The following ZNF831 variants were observed in gnomAD, a reference collection of about 807,000 sequenced individuals.
The protein encoded by ZNF831 is zinc finger protein 831.
Under a neutral mutation model 95.8 loss-of-function variants are expected in ZNF831, and 59 were observed. The observed-to-expected ratio is 0.62, with a 90% CI of 0.50 to 0.77. ZNF831 has a LOEUF of 0.77. ZNF831 is among the 30% of genes least tolerant of loss of function. The pLI, the probability that ZNF831 is intolerant of heterozygous loss-of-function variation, is 0.00. For synonymous variants in ZNF831, 961 were observed against 925.5 expected (o/e 1.04, Z -0.70); for missense variants, 2,205 against 2,164.0 (o/e 1.02, Z -0.38).
At chr20:59,232,290 G>C (rs1986767432) in intron 4 of ZNF831, among the ~76,000 whole-genome samples, 1 of 152,114 alleles carries the variant, frequency 6.6e-6, no homozygotes, top group South Asian at 2.1e-4. Context: ...CGCTTGATAA[G>C]TGCAAACTGA....
intron 4 of ZNF831, among the ~76,000 whole-genome samples, chr20:59,237,152 C>G (rs1053630228): frequency 9.9e-5 from 15 of 152,254 alleles, no homozygotes; most frequent in African/African-American, 3.4e-4. Flanking sequence ...TAAGCCTTTC[C>G]TAGTTAGGGG....
At chr20:59,221,525 T>C (rs1344347402) in intron 4 of ZNF831, among the ~76,000 whole-genome samples, 1 of 152,208 alleles carries the variant, frequency 6.6e-6, no homozygotes, top group Non-Finnish European at 1.5e-5. Context: ...AAACAACCAT[T>C]GCTTCCTGCA....
rs77873693 is a variant in ZNF831, at chr20:59,252,002, G to T, written c.4028-976G>T. ...AGAGAGGTGGAATGTGTGCTTGTGT[G>T]GGGGGTCATGAAGTTTGAAGAGGAG... is the stretch of plus-strand genomic sequence containing the variant. On this transcript the variant is annotated intron_variant, in intron 4 of 5. Transcript: ENST00000371030. 8.7e-3 allele frequency among the ~76,000 whole-genome samples: 1,327 copies of T among 152,260 alleles called. 4 individuals are homozygous for T. The highest frequency in any genetic ancestry group is 0.014 in the Non-Finnish European group (957 of 68,020).
At position 59,194,331 on chromosome 20, in the gene ZNF831, G is replaced by T. The variant is rs1356290155; in HGVS notation, c.3312G>T (p.Gly1104=). The T allele has an allele frequency of 6.2e-7, 1 of 1,613,572 alleles. No individual in the cohort carries two copies. ...CCTGGGTACCCAACTGGGAGCTGGG[G>T]GAGCCTCCTGGGAATGCCCCAGAAG... is the stretch of plus-strand genomic sequence containing the variant. ...LNPWVPNWEL[G]EPPGNAPEDP... is the part of the protein sequence containing the mutation. The change falls in exon 2 of 6, where the codon GGG becomes GGT. Residue 1104 remains glycine (G), a synonymous_variant. Transcript: ENST00000371030.
intron 5 of ZNF831, 29 bp from the exon 6 acceptor site, chr20:59,253,869 C>CCG (rs1555837608): frequency 3.3e-5 from 35 of 1,067,520 alleles, no homozygotes; most frequent in African/African-American, 9.4e-5. Flanking sequence ...TCCCCCCCCA[C>CCG]TTTTTTTTTC....
At chr20:59,165,834 C>G (rs868389973) in intron 1 of ZNF831, among the ~76,000 whole-genome samples, 1 of 152,170 alleles carries the variant, frequency 6.6e-6, no homozygotes, top group African/African-American at 2.4e-5. Flanking sequence ...ACTACAACCT[C>G]TACCTTCTGG....
intron 1 of ZNF831, among the ~76,000 whole-genome samples, chr20:59,172,265 C>T (rs749101457): frequency 1.3e-5 from 2 of 152,148 alleles, no homozygotes; most frequent in Admixed American, 6.5e-5. Context: ...CCAAAGAATT[C>T]GGATTCCTGC....
chr20:59,197,170 C>A (rs1346465202), intron 3 of ZNF831, among the ~76,000 whole-genome samples: 2 of 152,146 alleles, frequency 1.3e-5, no homozygotes, highest in Admixed American at 6.5e-5. Flanking sequence ...CCCTCAGTGG[C>A]TAGAGATGGC....
At position 59,192,144 on chromosome 20, in the gene ZNF831, G is replaced by T. The variant is rs773666903; in HGVS notation, c.1125G>T (p.Gly375=). 1.3e-6 allele frequency: 2 copies of T among 1,564,678 alleles called. No individual in the cohort carries two copies. The highest frequency in any genetic ancestry group is 3.8e-5 in the Admixed American group (2 of 52,114). The part of the protein sequence containing the change: ...SLSEHSAESE[G]EGGPGPGPGV... ...CGGAGCACAGCGCCGAGTCCGAGGG[G>T]GAGGGCGGCCCGGGCCCGGGGCCAG... is the stretch of plus-strand genomic sequence containing the variant. The change falls in exon 2 of 6, where the codon GGG becomes GGT. Residue 375 remains glycine, a synonymous_variant. Transcript: ENST00000371030. The surrounding 1 kb of genome is among the most constrained non-coding windows in gnomAD (Gnocchi z 5.2).
intron 1 of ZNF831, among the ~76,000 whole-genome samples, chr20:59,134,335 T>C (rs919583602): frequency 3.3e-5 from 5 of 152,190 alleles, no homozygotes; most frequent in African/African-American, 9.6e-5. Flanking sequence ...TATTTCCTTA[T>C]GGGGACTGTG....
chr20:59,187,478 C>T (rs568617812), intron 1 of ZNF831, among the ~76,000 whole-genome samples: 3 of 152,228 alleles, frequency 2.0e-5, no homozygotes, highest in East Asian at 1.9e-4. Context: ...TTGAACTTCC[C>T]GTCTCCAGAG....
At chr20:59,159,069 AT>A (rs559918819), upstream of ZNF831, among the ~76,000 whole-genome samples, 31 of 152,342 alleles carry the variant, frequency 2.0e-4, no homozygotes, top group African/African-American at 6.3e-4. Context: ...ATTACAAAAA[AT>A]ATCACATCAA....
At chr20:59,168,518 C>T (rs1202122738) in intron 1 of ZNF831, among the ~76,000 whole-genome samples, 1 of 137,576 alleles carries the variant, frequency 7.3e-6, no homozygotes, top group Admixed American at 7.7e-5. Context: ...ATCTCATCTG[C>T]AAGTAGGGAT....
At chr20:59,225,823 G>A (rs1292390760) in intron 4 of ZNF831, among the ~76,000 whole-genome samples, 1 of 152,142 alleles carries the variant, frequency 6.6e-6, no homozygotes, top group African/African-American at 2.4e-5. Flanking sequence ...TACCATTCTT[G>A]GTAGAAAGAG....
intron 1 of ZNF831, among the ~76,000 whole-genome samples, chr20:59,132,392 G>A (rs941316252): frequency 1.3e-4 from 20 of 151,072 alleles, no homozygotes; most frequent in African/African-American, 4.6e-4. Flanking sequence ...TTTTCTAGAC[G>A]ATTAATCGCT....
intron 2 of ZNF831, among the ~76,000 whole-genome samples, chr20:59,151,473 C>T (rs1046807374): frequency 6.6e-6 from 1 of 152,204 alleles, no homozygotes; most frequent in African/African-American, 2.4e-5. Flanking sequence ...GCTTAATTCT[C>T]CCATGTGCCT....
intron 4 of ZNF831, among the ~76,000 whole-genome samples, chr20:59,215,156 A>G (rs1405127558): frequency 2.0e-5 from 3 of 152,328 alleles, no homozygotes; most frequent in Admixed American, 6.5e-5. Flanking sequence ...GTGCTCTTAT[A>G]TATTTCCTTA....
chr20:59,240,252 A>G (rs958324701), intron 4 of ZNF831, among the ~76,000 whole-genome samples: 5 of 151,608 alleles, frequency 3.3e-5, no homozygotes, highest in African/African-American at 1.2e-4. Flanking sequence ...GACATTGTTT[A>G]CACTCTTCTT....
At chr20:59,139,719 C>T (rs6026724) in intron 1 of ZNF831, among the ~76,000 whole-genome samples, 36 of 152,196 alleles carry the variant, frequency 2.4e-4, no homozygotes, top group African/African-American at 7.7e-4. Flanking sequence ...AGAACCGAAG[C>T]AGAAAAACTG....
Sources: allele counts gnomAD v4.1 joint callset (sites outside exome capture counted in the v4.1 genomes callset), GRCh38; gene constraint gnomAD v4.1.1; non-coding constraint Gnocchi (gnomAD v3.1); transcripts MANE v1.5; gene names NCBI Gene and HGNC (gene_info 2026-07-23, HGNC 2026-07-21).